Variants in DCAF1 observed in about 807,000 individuals in gnomAD.
DCAF1 encodes the protein DDB1 and CUL4 associated factor 1, also known as DDB1- and CUL4-associated factor 1.
DCAF1 carries 15 observed loss-of-function variants against 128.0 expected under a neutral mutation model. The observed-to-expected ratio is 0.12, with a 90% CI of 0.08 to 0.18. The LOEUF (loss-of-function observed/expected upper bound fraction) is 0.18. Ranked by LOEUF, DCAF1 falls within the 10% of genes least tolerant of loss-of-function variation. The pLI, the probability that DCAF1 is intolerant of heterozygous loss-of-function variation, is 1.00. For synonymous variants in DCAF1, 610 were observed against 603.0 expected (o/e 1.01, Z -0.17); for missense variants, 988 against 1,649.5 (o/e 0.60, Z 6.95).
At chr3:51,425,547 G>A (rs1399563114) in intron 13 of DCAF1, among the ~76,000 whole-genome samples, 4 of 139,436 alleles carry the variant, frequency 2.9e-5, no homozygotes, top group Non-Finnish European at 6.1e-5. Context: ...TAGTTATCTT[G>A]TAAGCTGTCA....
chr3:51,456,496 G>A (rs1287822139), intron 6 of DCAF1, among the ~76,000 whole-genome samples: 2 of 152,216 alleles, frequency 1.3e-5, no homozygotes, highest in African/African-American at 4.8e-5. Flanking sequence ...GCAGGGCACA[G>A]ACAAACAAAA....
At chr3:51,455,433 C>T (rs1381459161) in intron 6 of DCAF1, among the ~76,000 whole-genome samples, 3 of 151,664 alleles carry the variant, frequency 2.0e-5, no homozygotes, top group African/African-American at 4.8e-5. Flanking sequence ...AGTGAGACCT[C>T]GTCTCTACAA....
At chr3:51,427,601 CCTT>C (rs1700013113) in intron 12 of DCAF1, 60 bp from the exon 13 acceptor site, 2 of 476,052 alleles carry the variant, frequency 4.2e-6, no homozygotes, top group African/African-American at 4.1e-5. Context: ...CCTACTACCT[CCTT>C]GAGCACAGCT....
intron 5 of DCAF1, 116 bp downstream of exon 5, chr3:51,466,687 A>C: frequency 1.0e-6 from 1 of 978,740 alleles, no homozygotes; most frequent in South Asian, 1.6e-5. Context: ...TTGGCAAAAA[A>C]CTCTACTCCC....
In DCAF1 at chr3:51,407,984, C is replaced by CA. The variant is rs59224025; in HGVS notation, c.4212+4394dup. ...TGGGTGACAGGGCGAGACTCCATCTCAAAAAAAAAAAAAAAAAAAAAAAAA... is the reference window on the plus strand; with the variant it reads ...TGGGTGACAGGGCGAGACTCCATCTCAAAAAAAAAAAAAAAAAAAAAAAAAA... On this transcript the variant is annotated intron_variant, in intron 23 of 24. Coordinates refer to ENST00000684031, the MANE Select transcript of DCAF1 (RefSeq NM_001387579.1). Among the ~76,000 whole-genome samples the CA allele has an allele frequency of 1.7e-3, 87 of 52,534 alleles. 11 individuals carry two copies. Among genetic ancestry groups the CA allele is most frequent in the Middle Eastern group, 0.045 (2 of 44 alleles). 34.5% of individuals were successfully genotyped at this position (52,534 alleles called of 152,430 possible). A position where few individuals can be genotyped will look rare whatever the true frequency, so the allele number is the denominator to read the frequency against.
chr3:51,445,481 A>G (rs1355017449), intron 6 of DCAF1, among the ~76,000 whole-genome samples: 1 of 152,214 alleles, frequency 6.6e-6, no homozygotes, highest in Non-Finnish European at 1.5e-5. Context: ...GGCAGGTACT[A>G]TATTTGCAGA....
At chr3:51,412,109 TAAAA>T (rs782087400) in intron 23 of DCAF1, among the ~76,000 whole-genome samples, 3 of 29,456 alleles carry the variant, frequency 1.0e-4, no homozygotes, top group Non-Finnish European at 2.0e-4. Flanking sequence ...AACTCCATTC[TAAAA>T]AAAAAAAAAA....
intron 7 of DCAF1, among the ~76,000 whole-genome samples, chr3:51,442,425 C>T (rs1201718278): frequency 2.6e-5 from 4 of 151,998 alleles, no homozygotes; most frequent in African/African-American, 7.3e-5. Context: ...TGGCCAGGTG[C>T]GGTAGCTCAC....
chr3:51,499,635 G>C (rs1194240466), intron 1 of DCAF1, among the ~76,000 whole-genome samples: 1 of 151,792 alleles, frequency 6.6e-6, no homozygotes, highest in Non-Finnish European at 1.5e-5. Context: ...AGCTTCTCGT[G>C]GGGAGTGGAG....
chr3:51,466,141 G>A (rs919230227), intron 5 of DCAF1, among the ~76,000 whole-genome samples: 3 of 152,190 alleles, frequency 2.0e-5, no homozygotes, highest in Admixed American at 6.5e-5. Context: ...AGCAGAGGTT[G>A]CAGTAAGCCA....
At chr3:51,461,427 G>T (rs1703551450) in intron 6 of DCAF1, among the ~76,000 whole-genome samples, 1 of 152,174 alleles carries the variant, frequency 6.6e-6, no homozygotes. Context: ...TGCTGGAGAG[G>T]ATGCGGAGAA....
chr3:51,434,125 G>A (rs915034617), intron 9 of DCAF1, among the ~76,000 whole-genome samples: 45 of 151,436 alleles, frequency 3.0e-4, no homozygotes, highest in Middle Eastern at 3.5e-3. Context: ...ATATTGGTCA[G>A]GCAGGGTGTC....
At chr3:51,450,515 GT>G (rs1298989075) in intron 6 of DCAF1, among the ~76,000 whole-genome samples, 1 of 152,112 alleles carries the variant, frequency 6.6e-6, no homozygotes, top group African/African-American at 2.4e-5. Context: ...TCAATACCCT[GT>G]AATGAAAAAA....
rs1452967545 is a variant in DCAF1, at chr3:51,419,605, A to T, written c.3236+129T>A. 9 of 1,428,650 alleles carry T rather than the reference A, an allele frequency of 6.3e-6. No homozygotes were observed. The Admixed American group carries it at 1.9e-4, about 30-fold the overall frequency. 88.5% of individuals were successfully genotyped at this position (1,428,650 alleles called of 1,614,324 possible). A position where few individuals can be genotyped will look rare whatever the true frequency, so the allele number is the denominator to read the frequency against. On this transcript the variant is annotated intron_variant, in intron 15 of 24. Coordinates refer to ENST00000684031, the MANE Select transcript of DCAF1 (RefSeq NM_001387579.1). The stretch of plus-strand genomic sequence containing the variant: ...ATGGTTGACAAAAGGTGGTACAATT[A>T]CATTGTTCAAGTATTACACAAAGTA...
chr3:51,422,823 G>A (rs1284466863), intron 13 of DCAF1, among the ~76,000 whole-genome samples: 1 of 152,128 alleles, frequency 6.6e-6, no homozygotes, highest in Non-Finnish European at 1.5e-5. Flanking sequence ...CAACACTTTA[G>A]GAGGCCAAGG....
At chr3:51,491,096 T>C (rs1339563639) in intron 2 of DCAF1, among the ~76,000 whole-genome samples, 5 of 146,456 alleles carry the variant, frequency 3.4e-5, no homozygotes, top group Admixed American at 3.4e-4. Context: ...ACACCTGTAA[T>C]CCCAGCACTT....
chr3:51,452,347 TTAAAA>T (rs577644272), intron 6 of DCAF1, among the ~76,000 whole-genome samples: 197 of 152,270 alleles, frequency 1.3e-3, no homozygotes, highest in African/African-American at 4.7e-3. Flanking sequence ...ATTGCTATAA[TTAAAA>T]TATTTTAAGA....
At chr3:51,418,321 A>C (rs1699082632) in intron 16 of DCAF1, 123 bp from the exon 17 acceptor site, 1 of 1,473,316 alleles carries the variant, frequency 6.8e-7, no homozygotes, top group Non-Finnish European at 9.0e-7. Flanking sequence ...ACAATTTTAT[A>C]ATCCCCAGAA....
At chr3:51,408,371 C>T (rs1337899290) in intron 23 of DCAF1, among the ~76,000 whole-genome samples, 1 of 152,154 alleles carries the variant, frequency 6.6e-6, no homozygotes, top group Non-Finnish European at 1.5e-5. Context: ...AGGTGTTGGT[C>T]ACAGGTGCCT....
Sources: allele counts gnomAD v4.1 joint callset (sites outside exome capture counted in the v4.1 genomes callset), GRCh38; gene constraint gnomAD v4.1.1; transcripts MANE v1.5; gene names NCBI Gene and HGNC (gene_info 2026-07-23, HGNC 2026-07-21).